The following ANKRD42 variants were observed in gnomAD, a reference collection of about 807,000 sequenced individuals.
ANKRD42 encodes ankyrin repeat domain 42.
A neutral mutation model predicts 51.5 loss-of-function variants in ANKRD42; 43 were observed. The observed-to-expected ratio is 0.83, with a 90% confidence interval of 0.65 to 1.08. The LOEUF is 1.08. Among genes scored for constraint, ANKRD42 ranks in the 50% least tolerant of loss-of-function variants. The pLI is 0.00. For synonymous variants in ANKRD42, 203 were observed against 213.0 expected, an observed-to-expected ratio of 0.95 and a Z score of 0.41; for missense variants, 608 against 629.3, an observed-to-expected ratio of 0.97 and a Z score of 0.36.
At chr11:83,207,002 G>A (rs1209745200) in intron 3 of ANKRD42, among the ~76,000 whole-genome samples, 1 of 152,180 alleles carries the variant, frequency 6.6e-6, no homozygotes, top group Non-Finnish European at 1.5e-5. Context: ...CTGAGACTGG[G>A]TAATTTATAA....
At chr11:83,228,229 CTCTTTTTTTTTTTTTTTTTT>C (rs1157899482) in intron 7 of ANKRD42, among the ~76,000 whole-genome samples, 27 of 41,108 alleles carry the variant, frequency 6.6e-4, no homozygotes, top group African/African-American at 3.6e-3. Flanking sequence ...CCCTCTCTCT[CTCTTTTTTTTTTTTTTTTTT>C]TTTTTTTTTT....
chr11:83,251,526 TAA>T (rs369296732), downstream of ANKRD42, among the ~76,000 whole-genome samples: 17 of 152,326 alleles, frequency 1.1e-4, no homozygotes, highest in East Asian at 1.7e-3. Flanking sequence ...AAACAATTTA[TAA>T]AGTTACAAAG....
In ANKRD42 at chr11:83,225,040, C is replaced by T. The variant is rs1275673364; in HGVS notation, c.772C>T (p.Leu258=). The T allele has an allele frequency of 1.9e-6, 3 of 1,611,680 alleles. No individual in the cohort carries two copies. Among genetic ancestry groups the T allele is most frequent in the Non-Finnish European group, 2.5e-6 (3 of 1,178,624 alleles). Residue 258 remains leucine, a synonymous_variant, in exon 6 of 11, where the codon CTA becomes TTA. Coordinates refer to ENST00000533342, the MANE Select transcript of ANKRD42 (RefSeq NM_001300975.2). ...GGGGGCTGAGTATGAAGGAAAAGAC[C>T]TAGAGGATCAGGAAAGTAAGTAATT... ...IQGAEYEGKD[L]EDQETLAFPG... is the part of the protein sequence containing the mutation.
At chr11:83,232,901 G>T (rs901297624) in intron 7 of ANKRD42, among the ~76,000 whole-genome samples, 21 of 152,230 alleles carry the variant, frequency 1.4e-4, no homozygotes, top group African/African-American at 5.1e-4. Context: ...TGCATATGTT[G>T]AATCATCGGT....
rs1175458849 is a variant in ANKRD42, at chr11:83,236,505, A to G, written c.1015A>G (p.Lys339Glu). 56 of 1,606,236 alleles carry G rather than the reference A, an allele frequency of 3.5e-5. No homozygotes were observed. Among genetic ancestry groups the G allele is most frequent in the Non-Finnish European group, 4.7e-5 (55 of 1,176,358 alleles). The change falls in exon 8 of 11, where the codon AAG becomes GAG. Residue 339 changes from lysine (K) to glutamate (E), a missense_variant. Lys to Glu is a moderately conservative substitution (Grantham distance 56). Coordinates refer to ENST00000533342, the MANE Select transcript of ANKRD42 (RefSeq NM_001300975.2). ...AGGGGAGAGACCCAGTGATGTGGCA[A>G]AGAGGTATAAATCTCTGTCTTCTTT... ...KAGERPSDVA[K>E]RFAHLAAVKL...
chr11:83,239,336 C>T (rs1863318912), intron 8 of ANKRD42, among the ~76,000 whole-genome samples: 3 of 152,064 alleles, frequency 2.0e-5, no homozygotes, highest in Non-Finnish European at 4.4e-5. Flanking sequence ...CAGATATATA[C>T]TTTGCAAAGA....
intron 2 of ANKRD42, among the ~76,000 whole-genome samples, chr11:83,198,890 C>T (rs1331558932): frequency 1.3e-5 from 2 of 152,104 alleles, no homozygotes; most frequent in Non-Finnish European, 2.9e-5. Flanking sequence ...CCGGAGACAG[C>T]TTGTCTCTGC....
downstream of ANKRD42, among the ~76,000 whole-genome samples, chr11:83,250,207 T>A (rs1223561585): frequency 1.3e-5 from 2 of 152,160 alleles, no homozygotes; most frequent in African/African-American, 4.8e-5. Context: ...GACCTATGAT[T>A]GCATACTACT....
chr11:83,247,893 T>C, intron 10 of ANKRD42, 50 bp from the exon 11 acceptor site: 1 of 1,429,072 alleles, frequency 7.0e-7, no homozygotes, highest in Non-Finnish European at 9.6e-7. Flanking sequence ...CTAAAAGTAA[T>C]TATTAGTTGA....
chr11:83,248,665 T>G lies in ANKRD42; in HGVS notation c.*461T>G, dbSNP rs1247345471. 2 of 984,344 alleles carry G rather than the reference T, an allele frequency of 2.0e-6. No individual in the cohort carries two copies. Among genetic ancestry groups the G allele is most frequent in the East Asian group, 2.3e-4 (2 of 8,822 alleles). The allele number at this position is 984,344 out of a possible 1,614,324, so 61.0% of individuals were successfully genotyped here. ...TATTATAGAATCTTCCTGGCTTCTT[T>G]TTATTTTGCACAAACTAGTCATTGG... On this transcript the variant is annotated 3_prime_UTR_variant, in exon 11 of 11. Coordinates refer to ENST00000533342, the MANE Select transcript of ANKRD42 (RefSeq NM_001300975.2).
At chr11:83,262,617 G>A (rs192851066), downstream of ANKRD42, among the ~76,000 whole-genome samples, 13 of 152,224 alleles carry the variant, frequency 8.5e-5, no homozygotes, top group Admixed American at 2.0e-4. Context: ...TTAAAACACC[G>A]ATGAATGAAT....
chr11:83,243,800 T>TA (rs1863459866), intron 9 of ANKRD42, among the ~76,000 whole-genome samples: 1 of 151,032 alleles, frequency 6.6e-6, no homozygotes, highest in South Asian at 2.1e-4. Flanking sequence ...TAGCTGGGAC[T>TA]ACAGGCACTC....
In ANKRD42 at chr11:83,255,979, TA is replaced by T; in HGVS notation, c.*52del. ...GACCTGCTAGATTTTTCTCTTTCAT[TA>T]AAAAAATTGATATAAATGTGAGTCT... On this transcript the variant is annotated 3_prime_UTR_variant, in exon 12 of 12. Transcript: ENST00000260047. The T allele has an allele frequency of 3.6e-6, 5 of 1,394,722 alleles. No individual in the cohort carries two copies. In the African/African-American group the frequency reaches 5.8e-5, roughly 16 times the overall value. 86.4% of individuals were successfully genotyped at this position (1,394,722 alleles called of 1,614,324 possible).
At chr11:83,220,841 ATTAT>A in intron 5 of ANKRD42, among the ~76,000 whole-genome samples, 1 of 151,956 alleles carries the variant, frequency 6.6e-6, no homozygotes, top group African/African-American at 2.4e-5. Flanking sequence ...TGAGAGTTTG[ATTAT>A]TTATTATATG....
At position 83,248,301 on chromosome 11, in the gene ANKRD42, AC is replaced by A; in HGVS notation, c.*98del. The A allele has an allele frequency of 3.6e-6, 1 of 279,606 alleles. No homozygotes were observed. The highest frequency in any genetic ancestry group is 5.0e-6 in the Non-Finnish European group (1 of 199,700). The allele number at this position is 279,606 out of a possible 1,614,324, so 17.3% of individuals were successfully genotyped here. ...TGATGACAGGATTAAAGGAATACAC[AC>A]ACACACACACACACACACACACACA... On this transcript the variant is annotated 3_prime_UTR_variant, in exon 11 of 11. Transcript: ENST00000533342.
intron 7 of ANKRD42, among the ~76,000 whole-genome samples, chr11:83,230,625 C>T (rs967581558): frequency 2.7e-5 from 4 of 150,890 alleles, no homozygotes; most frequent in South Asian, 4.2e-4. Flanking sequence ...CTCACTCGGT[C>T]GCCCAGGCTG....
At chr11:83,220,359 G>T (rs999822726) in intron 5 of ANKRD42, among the ~76,000 whole-genome samples, 4 of 152,120 alleles carry the variant, frequency 2.6e-5, no homozygotes, top group Non-Finnish European at 4.4e-5. Flanking sequence ...TGAATTCTAA[G>T]GAAGGACAGG....
At chr11:83,245,809 T>C (rs1385888940) in intron 10 of ANKRD42, among the ~76,000 whole-genome samples, 185 bp downstream of exon 10, 3 of 152,198 alleles carry the variant, frequency 2.0e-5, no homozygotes, top group African/African-American at 7.2e-5. Context: ...AAAATACACA[T>C]AAAATTTACC....
chr11:83,204,412 T>C (rs1565176800), intron 2 of ANKRD42, among the ~76,000 whole-genome samples: 1 of 152,200 alleles, frequency 6.6e-6, no homozygotes, highest in Non-Finnish European at 1.5e-5. Flanking sequence ...TTTTCACTTA[T>C]ATGTGGGACC....
Sources: allele counts gnomAD v4.1 joint callset (sites outside exome capture counted in the v4.1 genomes callset), GRCh38; gene constraint gnomAD v4.1.1; transcripts MANE v1.5; gene names NCBI Gene and HGNC (gene_info 2026-07-23, HGNC 2026-07-21).